Variants in LDB2 observed in about 807,000 individuals in gnomAD.
The protein encoded by LDB2 is LIM domain binding 2.
A neutral mutation model predicts 44.3 loss-of-function variants in LDB2; 12 were observed. The ratio of observed to expected loss-of-function variants is 0.27; its 90% CI spans 0.17 to 0.44. The LOEUF is 0.44. LDB2 is among the 20% of genes least tolerant of loss of function. The pLI, the probability that LDB2 is intolerant of heterozygous loss-of-function variation, is 1.00. For synonymous variants in LDB2, 164 were observed against 174.8 expected, an observed-to-expected ratio of 0.94 and a Z score of 0.49; for missense variants, 344 against 473.5, an observed-to-expected ratio of 0.73 and a Z score of 2.54.
At chr4:16,795,745 CT>C (rs1350251115) in intron 1 of LDB2, among the ~76,000 whole-genome samples, 2 of 152,192 alleles carry the variant, frequency 1.3e-5, no homozygotes, top group African/African-American at 4.8e-5. Flanking sequence ...ACTCAGGAGT[CT>C]CCCCCACCAC....
At chr4:16,625,002 C>A (rs2152486123) in intron 2 of LDB2, among the ~76,000 whole-genome samples, 1 of 152,282 alleles carries the variant, frequency 6.6e-6, no homozygotes. Context: ...TGAAACCTTT[C>A]AATGGCTCCC....
chr4:16,761,206 T>C (rs1413155930), intron 1 of LDB2, among the ~76,000 whole-genome samples: 1 of 152,186 alleles, frequency 6.6e-6, no homozygotes, highest in Non-Finnish European at 1.5e-5. Context: ...GCAGTAAATG[T>C]CACTTGCTCC....
chr4:16,626,711 C>G (rs1372271761), intron 2 of LDB2: 1 of 152,020 alleles, frequency 6.6e-6, no homozygotes, highest in African/African-American at 2.4e-5. Flanking sequence ...GTTTTCTCAT[C>G]AATAAGTAGG....
chr4:16,866,779 C>T (rs1714847195), intron 1 of LDB2, among the ~76,000 whole-genome samples: 2 of 152,168 alleles, frequency 1.3e-5, no homozygotes, highest in Admixed American at 6.5e-5. Context: ...ATCTCATTCC[C>T]TGTATTAATC....
At chr4:16,871,478 G>C (rs889800164) in intron 1 of LDB2, among the ~76,000 whole-genome samples, 1 of 152,168 alleles carries the variant, frequency 6.6e-6, no homozygotes, top group Admixed American at 6.5e-5. Context: ...TATTCGAGAA[G>C]TATTATCCAA....
At chr4:16,628,464 A>T (rs1245610140) in intron 2 of LDB2, among the ~76,000 whole-genome samples, 2 of 152,092 alleles carry the variant, frequency 1.3e-5, no homozygotes, top group African/African-American at 4.8e-5. Context: ...TTTGCATCAG[A>T]TCCATCTTCC....
intron 3 of LDB2, among the ~76,000 whole-genome samples, chr4:16,593,725 A>T (rs968152632): frequency 1.3e-5 from 2 of 152,142 alleles, no homozygotes; most frequent in Admixed American, 6.6e-5. Context: ...GGTTCAGGGG[A>T]GTGCTCAGGT....
rs147611971 is a variant in LDB2 at position 16,642,853 on chromosome 4, C to A, written c.236-46978G>T. Among the ~76,000 whole-genome samples, 3 of 152,294 alleles carry A rather than the reference C, an allele frequency of 2.0e-5. No homozygotes were observed. In the East Asian group the frequency reaches 5.8e-4, roughly 29 times the overall value. On this transcript the variant is annotated intron_variant, in intron 2 of 7. Coordinates refer to ENST00000304523, the MANE Select transcript of LDB2 (RefSeq NM_001290.5). ...CATTGGACAAATAAATCATTCACAT[C>A]AAGATCAACATAGCATTTCATTCAG... is the stretch of plus-strand genomic sequence containing the variant.
intron 1 of LDB2, among the ~76,000 whole-genome samples, chr4:16,831,116 A>G (rs1783981539): frequency 1.3e-5 from 2 of 151,324 alleles, no homozygotes; most frequent in African/African-American, 4.8e-5. Flanking sequence ...ACATGGATTT[A>G]GATCCCAGCT....
chr4:16,585,348 A>G (rs1716391262), intron 5 of LDB2, among the ~76,000 whole-genome samples: 2 of 152,302 alleles, frequency 1.3e-5, no homozygotes. Flanking sequence ...TGGGGAGCAC[A>G]GCTGATTCTG....
chr4:16,806,641 C>T (rs1483420119), intron 1 of LDB2, among the ~76,000 whole-genome samples: 2 of 152,330 alleles, frequency 1.3e-5, no homozygotes, highest in Non-Finnish European at 2.9e-5. Context: ...GAAAGGCTAA[C>T]ATGTTTCTGA....
At chr4:16,760,390 C>T (rs895524918) in intron 1 of LDB2, among the ~76,000 whole-genome samples, 9 of 152,050 alleles carry the variant, frequency 5.9e-5, no homozygotes, top group Non-Finnish European at 7.4e-5. Flanking sequence ...ATTAAGGAGC[C>T]ACGGAAGATT....
intron 5 of LDB2, among the ~76,000 whole-genome samples, chr4:16,561,843 A>G (rs1381860555): frequency 2.0e-5 from 3 of 152,202 alleles, no homozygotes; most frequent in Non-Finnish European, 4.4e-5. Context: ...AGTAACCAAA[A>G]CAGCATGGTA....
intron 3 of LDB2, among the ~76,000 whole-genome samples, chr4:16,594,641 A>C (rs1204309117): frequency 6.6e-6 from 1 of 152,236 alleles, no homozygotes; most frequent in Non-Finnish European, 1.5e-5. Flanking sequence ...TATACCAAAA[A>C]GATCAATGAA....
rs71181181 is a variant in LDB2 at position 16,693,347 on chromosome 4, C to CTTTTTTTT, written c.235+65803_235+65810dup. Reference sequence around the variant, plus strand: ...CTACTTGTTCCCTAGAGCAATAGTTCTTTTTTTTTTTTTTTTTTTTTTGAG... The same window carrying CTTTTTTTT: ...CTACTTGTTCCCTAGAGCAATAGTTCTTTTTTTTTTTTTTTTTTTTTTTTTTTTTTGAG... On this transcript the variant is annotated intron_variant, in intron 2 of 7. Coordinates refer to ENST00000304523, the MANE Select transcript of LDB2 (RefSeq NM_001290.5). Among the ~76,000 whole-genome samples, 26 of 112,116 alleles carry CTTTTTTTT rather than the reference C, an allele frequency of 2.3e-4. No individual in the cohort carries two copies. In the East Asian group the frequency reaches 3.0e-3, roughly 13 times the overall value. 73.6% of individuals were successfully genotyped at this position (112,116 alleles called of 152,430 possible).
intron 1 of LDB2, among the ~76,000 whole-genome samples, chr4:16,770,567 A>G (rs925515223): frequency 1.3e-5 from 2 of 152,160 alleles, no homozygotes; most frequent in African/African-American, 4.8e-5. Context: ...CTGAGGCCCC[A>G]AGCGGTTAAG....
At chr4:16,542,986 T>G (rs980328520) in intron 5 of LDB2, among the ~76,000 whole-genome samples, 1 of 141,324 alleles carries the variant, frequency 7.1e-6, no homozygotes, top group East Asian at 2.2e-4. Context: ...CAAGTGTTCT[T>G]ATTTTCACTT....
intron 5 of LDB2, among the ~76,000 whole-genome samples, chr4:16,566,727 T>C (rs914208553): frequency 2.0e-5 from 3 of 152,172 alleles, no homozygotes; most frequent in Non-Finnish European, 4.4e-5. Flanking sequence ...AAAGAACTTA[T>C]GAGCTTGTAA....
chr4:16,664,379 G>C (rs1334103872), intron 2 of LDB2, among the ~76,000 whole-genome samples: 1 of 152,280 alleles, frequency 6.6e-6, no homozygotes, highest in Non-Finnish European at 1.5e-5. Context: ...AAGCCACCCA[G>C]TTTATGGTAT....
Sources: gnomAD v4.1 joint callset for allele counts (sites outside exome capture counted in the v4.1 genomes callset) on GRCh38, gnomAD v4.1.1 for gene constraint, MANE v1.5 for transcripts, NCBI Gene and HGNC (gene_info 2026-07-23, HGNC 2026-07-21) for gene names.